The following OXCT1 variants were observed in gnomAD, a reference collection of about 807,000 sequenced individuals.
The protein encoded by OXCT1 is 3-oxoacid CoA-transferase 1.
OXCT1 carries 27 observed loss-of-function variants against 69.6 expected under a neutral mutation model. The observed-to-expected ratio is 0.39, with a 90% CI of 0.29 to 0.54. OXCT1 has a LOEUF of 0.54. Among genes scored for constraint, OXCT1 ranks in the 20% least tolerant of loss-of-function variants. OXCT1 has a pLI of 0.72. For missense variants in OXCT1, 437 were observed against 650.2 expected (o/e 0.67, Z 3.57); for synonymous variants, 202 against 217.8 (o/e 0.93, Z 0.64).
At chr5:41,848,962 C>T (rs1209038376) in intron 5 of OXCT1, among the ~76,000 whole-genome samples, 2 of 152,204 alleles carry the variant, frequency 1.3e-5, no homozygotes, top group Non-Finnish European at 2.9e-5. Flanking sequence ...AGAGCTTCTG[C>T]ACAGCAAAAG....
At chr5:41,864,093 T>C (rs749753833) in intron 1 of OXCT1, among the ~76,000 whole-genome samples, 38 of 152,214 alleles carry the variant, frequency 2.5e-4, no homozygotes, top group Non-Finnish European at 4.3e-4. Flanking sequence ...TGAATATTCA[T>C]GAGCAATCAG....
intron 7 of OXCT1, among the ~76,000 whole-genome samples, chr5:41,813,781 T>TGG (rs1747100229): frequency 2.0e-5 from 3 of 148,360 alleles, no homozygotes; most frequent in African/African-American, 7.9e-5. Flanking sequence ...CCAATTACCT[T>TGG]TATGCCACAG....
rs1479382307 is a variant in OXCT1 at position 41,756,329 on chromosome 5, A to C, written c.1338+5782T>G. On this transcript the variant is annotated intron_variant, in intron 14 of 16. Transcript: ENST00000196371. Reference sequence around the variant, plus strand: ...GTACATGATATTGAGAACAAAACAGATTCTTCATGTTGTTAGTGGTAATGG... The same window carrying C: ...GTACATGATATTGAGAACAAAACAGCTTCTTCATGTTGTTAGTGGTAATGG... 3.0e-4 allele frequency among the ~76,000 whole-genome samples: 45 copies of C among 152,100 alleles called. 1 individual carries two copies. The highest frequency in any genetic ancestry group is 3.0e-3 in the Admixed American group (45 of 15,254).
intron 13 of OXCT1, among the ~76,000 whole-genome samples, chr5:41,790,118 C>T (rs1745844538): frequency 6.6e-6 from 1 of 152,200 alleles, no homozygotes; most frequent in South Asian, 2.1e-4. Context: ...CTCATTCAAT[C>T]CTCTCCACAT....
intron 15 of OXCT1, 102 bp from the exon 16 acceptor site, chr5:41,739,593 T>G: frequency 1.1e-6 from 1 of 871,668 alleles, no homozygotes; most frequent in Non-Finnish European, 1.9e-6. Flanking sequence ...AGGTCGGGTG[T>G]GGTGGCTCAG....
chr5:41,813,843 A>G (rs1310596389), intron 7 of OXCT1, among the ~76,000 whole-genome samples: 1 of 151,960 alleles, frequency 6.6e-6, no homozygotes, highest in Non-Finnish European at 1.5e-5. Context: ...ATTTCTTACC[A>G]TTAAAACATA....
chr5:41,852,442 T>C (rs1442834508), intron 4 of OXCT1, among the ~76,000 whole-genome samples: 2 of 152,176 alleles, frequency 1.3e-5, no homozygotes, highest in Non-Finnish European at 2.9e-5. Context: ...TATTTTCTGT[T>C]GACTAAAATA....
chr5:41,748,327 G>A (rs538825579), intron 15 of OXCT1, among the ~76,000 whole-genome samples: 1 of 151,948 alleles, frequency 6.6e-6, no homozygotes, highest in Admixed American at 6.6e-5. Context: ...GTGGAGATGA[G>A]GAGAGGGCTG....
intron 15 of OXCT1, among the ~76,000 whole-genome samples, chr5:41,739,897 G>A (rs1029044530): frequency 6.8e-5 from 10 of 146,958 alleles, no homozygotes; most frequent in Non-Finnish European, 1.2e-4. Flanking sequence ...GGAAACACAA[G>A]ACCCAGGACA....
chr5:41,842,009 T>C (rs2112405388), intron 6 of OXCT1, among the ~76,000 whole-genome samples: 1 of 152,310 alleles, frequency 6.6e-6, no homozygotes, highest in South Asian at 2.1e-4. Context: ...AGGTAAAGTC[T>C]TCAAGATCAG....
chr5:41,758,104 T>C (rs1320494355), intron 14 of OXCT1, among the ~76,000 whole-genome samples: 2 of 151,940 alleles, frequency 1.3e-5, no homozygotes, highest in Non-Finnish European at 2.9e-5. Flanking sequence ...AGAGTAGAAA[T>C]ACATAGTGGG....
At chr5:41,833,227 C>CA (rs1748184968) in intron 7 of OXCT1, among the ~76,000 whole-genome samples, 1 of 151,842 alleles carries the variant, frequency 6.6e-6, no homozygotes, top group African/African-American at 2.4e-5. Flanking sequence ...ATCAAATTCC[C>CA]AAAAAATCAA....
intron 16 of OXCT1, among the ~76,000 whole-genome samples, chr5:41,732,020 G>A (rs1420467441): frequency 2.6e-5 from 4 of 152,128 alleles, no homozygotes; most frequent in Non-Finnish European, 4.4e-5. Flanking sequence ...TGGCAACAAG[G>A]AGCAGGTGGA....
At chr5:41,768,692 T>C (rs1283797488) in intron 13 of OXCT1, among the ~76,000 whole-genome samples, 1 of 152,164 alleles carries the variant, frequency 6.6e-6, no homozygotes, top group Non-Finnish European at 1.5e-5. Context: ...CTAGCTAAGA[T>C]TCCCATGATT....
intron 5 of OXCT1, 84 bp downstream of exon 5, chr5:41,849,940 GTGATTT>G: frequency 7.7e-7 from 1 of 1,297,698 alleles, no homozygotes; most frequent in African/African-American, 1.5e-5. Context: ...TCACATAGAG[GTGATTT>G]TATACTTATT....
At chr5:41,736,510 T>C (rs567587851) in intron 16 of OXCT1, among the ~76,000 whole-genome samples, 1 of 152,142 alleles carries the variant, frequency 6.6e-6, no homozygotes, top group South Asian at 2.1e-4. Context: ...TTAGTAATTC[T>C]TTTTTTTAAC....
At chr5:41,811,044 T>A (rs1337837765) in intron 7 of OXCT1, among the ~76,000 whole-genome samples, 1 of 148,048 alleles carries the variant, frequency 6.8e-6, no homozygotes. Context: ...AGCAATAATG[T>A]CTAGAATCAT....
At chr5:41,832,144 G>A (rs905889850) in intron 7 of OXCT1, among the ~76,000 whole-genome samples, 3 of 152,208 alleles carry the variant, frequency 2.0e-5, no homozygotes, top group Non-Finnish European at 2.9e-5. Context: ...GGCTGGCTTC[G>A]CCACCTGTTT....
At chr5:41,819,071 A>G (rs946866540) in intron 7 of OXCT1, among the ~76,000 whole-genome samples, 2 of 152,176 alleles carry the variant, frequency 1.3e-5, no homozygotes, top group African/African-American at 4.8e-5. Context: ...CTCTGGAAGG[A>G]GTAAGGAAAA....
Sources: allele counts gnomAD v4.1 joint callset (sites outside exome capture counted in the v4.1 genomes callset), GRCh38; gene constraint gnomAD v4.1.1; transcripts MANE v1.5; gene names NCBI Gene and HGNC (gene_info 2026-07-23, HGNC 2026-07-21).